MYO5C: variants seen among roughly 807,000 people sequenced by gnomAD.
The protein encoded by MYO5C is myosin VC, also known as unconventional myosin-Vc.
Under a neutral mutation model 235.7 loss-of-function variants are expected in MYO5C, and 194 were observed. The observed-to-expected ratio is 0.82, with a 90% CI of 0.73 to 0.93. The LOEUF is 0.93. Among genes scored for constraint, MYO5C ranks in the 40% least tolerant of loss-of-function variants. MYO5C has a pLI of 0.00. For synonymous variants in MYO5C, 707 were observed against 754.8 expected (o/e 0.94, Z 1.04); for missense variants, 2,038 against 2,127.2 (o/e 0.96, Z 0.82).
intron 28 of MYO5C, among the ~76,000 whole-genome samples, chr15:52,224,067 G>C (rs944339484): frequency 6.6e-6 from 1 of 152,200 alleles, no homozygotes; most frequent in African/African-American, 2.4e-5. Flanking sequence ...CGGATCACTT[G>C]AGGTCAGGAG....
At chr15:52,246,646 T>C (rs1596187910) in intron 16 of MYO5C, among the ~76,000 whole-genome samples, 1 of 152,176 alleles carries the variant, frequency 6.6e-6, no homozygotes, top group Non-Finnish European at 1.5e-5. Context: ...ACATACTCAT[T>C]CTTCTTTTAA....
chr15:52,282,611 C>T (rs1381877256), intron 2 of MYO5C, among the ~76,000 whole-genome samples, 171 bp downstream of exon 2: 1 of 152,216 alleles, frequency 6.6e-6, no homozygotes, highest in Non-Finnish European at 1.5e-5. Context: ...GGAAGGAGTA[C>T]AGACACATCA....
chr15:52,286,285 C>A, intron 1 of MYO5C, among the ~76,000 whole-genome samples: 1 of 151,054 alleles, frequency 6.6e-6, no homozygotes, highest in East Asian at 2.0e-4. Flanking sequence ...CAGCCCCCCG[C>A]CCGGCCAGCC....
intron 36 of MYO5C, 151 bp from the exon 37 acceptor site, chr15:52,206,117 G>A: frequency 4.2e-6 from 2 of 481,650 alleles, no homozygotes; most frequent in Non-Finnish European, 7.0e-6. Flanking sequence ...CCTTCTATAA[G>A]AAAAAAATTG....
In MYO5C at chr15:52,222,328, C is replaced by T. The variant is rs565004393; in HGVS notation, c.3628-1073G>A. On this transcript the variant is annotated intron_variant, in intron 29 of 40. Transcript: ENST00000261839. ...CAAAGATGTAAAGGTCCCCCACTACCGTTCCCTGTGTCCACCCCTGGTCCT... is the reference window on the plus strand; with the variant it reads ...CAAAGATGTAAAGGTCCCCCACTACTGTTCCCTGTGTCCACCCCTGGTCCT... 7.9e-5 allele frequency among the ~76,000 whole-genome samples: 12 copies of T among 152,294 alleles called. No homozygotes were observed. The South Asian group carries it at 8.3e-4, about 11-fold the overall frequency.
intron 2 of MYO5C, among the ~76,000 whole-genome samples, chr15:52,280,936 C>T (rs2140859280): frequency 6.6e-6 from 1 of 152,338 alleles, no homozygotes; most frequent in South Asian, 2.1e-4. Flanking sequence ...ATAAAGCGAG[C>T]AGCTCAGGGC....
At position 52,248,714 on chromosome 15, in the gene MYO5C, G is replaced by A; in HGVS notation, c.1732C>T (p.Leu578=). 6.2e-7 allele frequency: 1 copy of A among 1,613,804 alleles called. No individual in the cohort carries two copies. ...ACTTTACAGACCTTGCTTGCTCTCA[G>A]GATTTCAACCAGCATGTCATAGACG... ...DTVYDMLVEI[L]RASKFHLCAN... The change falls in exon 14 of 41, where the codon CTG becomes TTG. Residue 578 remains leucine (L), a synonymous_variant. Transcript: ENST00000261839.
chr15:52,232,507 C>T (rs2035987758), intron 24 of MYO5C, 115 bp downstream of exon 24: 2 of 945,240 alleles, frequency 2.1e-6, no homozygotes, highest in South Asian at 1.4e-5. Context: ...TTCCTAAAAA[C>T]AGTCACACCC....
chr15:52,271,758 C>T lies in MYO5C; in HGVS notation c.832+5G>A. 3 of 1,526,048 alleles carry T rather than the reference C, an allele frequency of 2.0e-6. No individual in the cohort carries two copies. The highest frequency in any genetic ancestry group is 2.7e-6 in the Non-Finnish European group (3 of 1,120,660). 94.5% of individuals were successfully genotyped at this position (1,526,048 alleles called of 1,614,324 possible). On this transcript the variant is annotated splice_donor_5th_base_variant and intron_variant, in intron 7 of 40. Coordinates refer to ENST00000261839, the MANE Select transcript of MYO5C (RefSeq NM_018728.4). ...AGACCCTTTCATACACGATCCATCACATACCCAATTTAAGATGTTTAAATT... is the reference window on the plus strand; with the variant it reads ...AGACCCTTTCATACACGATCCATCATATACCCAATTTAAGATGTTTAAATT...
Position 52,242,129 on chromosome 15 carries a change from G to C in MYO5C, c.2475C>G (p.Ser825Arg). The change falls in exon 20 of 41, where the codon AGC (serine) becomes AGG (arginine). Residue 825 changes from serine (S) to arginine (R), a missense_variant. Ser to Arg is a moderately radical substitution (Grantham distance 110). Coordinates refer to ENST00000261839, the MANE Select transcript of MYO5C (RefSeq NM_018728.4). ...QKHCRGYLVRSLYQLIRMATI... is the reference protein window; with the variant it reads ...QKHCRGYLVRRLYQLIRMATI... Reference sequence around the variant, plus strand: ...TGGCCATGCGAATCAACTGATACAGGCTGCGAACAAGATACCCGCGGCAGT... The same window carrying C: ...TGGCCATGCGAATCAACTGATACAGCCTGCGAACAAGATACCCGCGGCAGT... The C allele has an allele frequency of 1.2e-6, 2 of 1,614,162 alleles. No homozygotes were observed. Among genetic ancestry groups the C allele is most frequent in the Non-Finnish European group, 1.7e-6 (2 of 1,180,002 alleles).
At chr15:52,276,456 C>T (rs528081267) in intron 4 of MYO5C, among the ~76,000 whole-genome samples, 21 of 152,150 alleles carry the variant, frequency 1.4e-4, no homozygotes, top group Non-Finnish European at 2.5e-4. Context: ...GATGCAGTGC[C>T]CACCTTCTGC....
intron 30 of MYO5C, 95 bp downstream of exon 30, chr15:52,221,067 G>A (rs1372857366): frequency 6.5e-6 from 6 of 927,864 alleles, no homozygotes; most frequent in African/African-American, 1.7e-5. Flanking sequence ...TAGAGAACCA[G>A]AGTTTAAAAG....
intron 20 of MYO5C, 137 bp downstream of exon 20, chr15:52,241,911 G>A: frequency 4.0e-6 from 4 of 1,000,998 alleles, no homozygotes; most frequent in Non-Finnish European, 5.9e-6. Context: ...GCACCTGGAA[G>A]AATCTCCTTT....
chr15:52,220,776 G>A (rs921250902), intron 30 of MYO5C, among the ~76,000 whole-genome samples: 9 of 149,366 alleles, frequency 6.0e-5, no homozygotes, highest in Non-Finnish European at 1.3e-4. Context: ...CCAGTGAGCC[G>A]AAATCGCACC....
chr15:52,283,083 C>T (rs559293523), intron 1 of MYO5C, among the ~76,000 whole-genome samples, 191 bp from the exon 2 acceptor site: 1 of 152,172 alleles, frequency 6.6e-6, no homozygotes, highest in Non-Finnish European at 1.5e-5. Flanking sequence ...CCTCAGTTTA[C>T]AGGCAACAGA....
At chr15:52,277,837 G>A in intron 4 of MYO5C, 1 of 455,198 alleles carries the variant, frequency 2.2e-6, no homozygotes, top group South Asian at 1.5e-5. Flanking sequence ...AGCAGCACGT[G>A]TTCTACCTCA....
At chr15:52,279,087 A>T in intron 3 of MYO5C, 70 bp from the exon 4 acceptor site, 3 of 1,237,074 alleles carry the variant, frequency 2.4e-6, no homozygotes, top group Non-Finnish European at 2.3e-6. Flanking sequence ...TTTTTTTTTT[A>T]AGAAACCCCA....
chr15:52,218,426 A>T lies in MYO5C; in HGVS notation c.3954+93T>A. 4.1e-6 allele frequency: 5 copies of T among 1,225,386 alleles called. No individual in the cohort carries two copies. The South Asian group carries it at 7.2e-5, about 18-fold the overall frequency. The allele number at this position is 1,225,386 out of a possible 1,614,324, so 75.9% of individuals were successfully genotyped here. ...TCTGATGGAAGGACTTTTGGTCTAT[A>T]GATGTTAATCATATGCTTTAGGTGG... is the stretch of plus-strand genomic sequence containing the variant. On this transcript the variant is annotated intron_variant, in intron 32 of 40. Transcript: ENST00000261839.
chr15:52,287,819 A>G (rs1293754035), intron 1 of MYO5C, among the ~76,000 whole-genome samples: 3 of 152,180 alleles, frequency 2.0e-5, no homozygotes, highest in African/African-American at 4.8e-5. Context: ...TCTACTAAAA[A>G]TACAAAAGTA....
Sources: allele counts gnomAD v4.1 joint callset (sites outside exome capture counted in the v4.1 genomes callset), GRCh38; gene constraint gnomAD v4.1.1; transcripts MANE v1.5; gene names NCBI Gene and HGNC (gene_info 2026-07-23, HGNC 2026-07-21).